The following FAM186A variants were observed in gnomAD, a reference collection of about 807,000 sequenced individuals.
The protein encoded by FAM186A is protein FAM186A.
A neutral mutation model predicts 216.8 loss-of-function variants in FAM186A; 163 were observed. That is an observed-to-expected ratio of 0.75 (90% CI 0.66 to 0.86). The LOEUF is 0.86. Ranked by LOEUF, FAM186A falls within the 40% of genes least tolerant of loss-of-function variation. The pLI is 0.00. For synonymous variants in FAM186A, 805 were observed against 1,025.3 expected (o/e 0.79, Z 4.10); for missense variants, 2,184 against 2,746.2 (o/e 0.80, Z 4.58).
At chr12:50,362,868 A>C (rs570272323) in intron 2 of FAM186A, among the ~76,000 whole-genome samples, 1 of 152,204 alleles carries the variant, frequency 6.6e-6, no homozygotes, top group African/African-American at 2.4e-5. Context: ...CCATGTGTCC[A>C]TCTGGTGGAA....
chr12:50,341,758 C>T (rs1200613421), intron 4 of FAM186A, among the ~76,000 whole-genome samples: 4 of 152,026 alleles, frequency 2.6e-5, no homozygotes, highest in African/African-American at 9.7e-5. Flanking sequence ...TTCCCTGAAC[C>T]CAGGAGGCGG....
intron 1 of FAM186A, among the ~76,000 whole-genome samples, chr12:50,376,134 G>C (rs1943196049): frequency 6.6e-6 from 1 of 152,162 alleles, no homozygotes; most frequent in South Asian, 2.1e-4. Context: ...AAACTCAGTG[G>C]TGCCCAAAAG....
intron 1 of FAM186A, among the ~76,000 whole-genome samples, chr12:50,387,841 T>C (rs373271191): frequency 6.6e-6 from 1 of 152,204 alleles, no homozygotes; most frequent in South Asian, 2.1e-4. Flanking sequence ...AGCTCGACTT[T>C]ACAGGCTGCT....
chr12:50,346,556 A>T (rs1230622824), intron 4 of FAM186A, among the ~76,000 whole-genome samples: 1 of 152,110 alleles, frequency 6.6e-6, no homozygotes, highest in South Asian at 2.1e-4. Context: ...TTATTTAAAC[A>T]TACAAAAATC....
intron 1 of FAM186A, among the ~76,000 whole-genome samples, chr12:50,367,764 A>G (rs879133159): frequency 3.3e-5 from 5 of 152,148 alleles, no homozygotes; most frequent in Admixed American, 1.3e-4. Context: ...TAAAACATAC[A>G]TACAAATCAG....
intron 1 of FAM186A, among the ~76,000 whole-genome samples, chr12:50,368,428 A>G (rs1435086339): frequency 6.6e-6 from 1 of 151,804 alleles, no homozygotes; most frequent in Non-Finnish European, 1.5e-5. Context: ...ATTTTAAATA[A>G]TAATAATAAA....
intron 1 of FAM186A, among the ~76,000 whole-genome samples, chr12:50,394,258 TA>T (rs1403327464): frequency 6.6e-6 from 1 of 152,054 alleles, no homozygotes; most frequent in African/African-American, 2.4e-5. Flanking sequence ...TTTTGTTTTT[TA>T]AAAGAATATA....
Position 50,353,396 on chromosome 12 carries a change from T to A in FAM186A, c.3436A>T (p.Thr1146Ser). ...GCCTGGTCCTGCTGAGGGGTGAGAG[T>A]GATCCCTTGAACCTGGGTCTGCTGA... is the stretch of plus-strand genomic sequence containing the variant. ...TPQQTQVQGITLTPQQDQAPG... is the reference protein window; with the variant it reads ...TPQQTQVQGISLTPQQDQAPG... Residue 1146 changes from threonine (T) to serine (S), a missense_variant, in exon 4 of 8, where the codon ACT becomes TCT. Around this residue, in one of 7 missense-constraint regions of FAM186A, gnomAD observed 267 missense variants for 446.2 expected, o/e 0.60. Coordinates refer to ENST00000327337, the MANE Select transcript of FAM186A (RefSeq NM_001145475.3). 1 of 1,479,842 alleles carries A rather than the reference T, an allele frequency of 6.8e-7. No individual in the cohort carries two copies. The highest frequency in any genetic ancestry group is 9.0e-7 in the Non-Finnish European group (1 of 1,116,578). 91.7% of individuals were successfully genotyped at this position (1,479,842 alleles called of 1,614,324 possible).
rs1942870661 is a variant in FAM186A at position 50,350,894 on chromosome 12, G to A, written c.5938C>T (p.Gln1980Ter). The A allele has an allele frequency of 1.3e-6, 2 of 1,551,662 alleles. No individual in the cohort carries two copies. The highest frequency in any genetic ancestry group is 4.9e-5 in the East Asian group (2 of 40,920). Residue 1980 changes from glutamine (Q) to a stop codon, truncating the protein, a stop_gained, in exon 4 of 8, where the codon CAA becomes TAA. Transcript: ENST00000327337. LOFTEE classifies it high-confidence loss of function. ...AACTTCTTAGTGGTGAAAGGAACTT[G>A]AGCTACCTTGAAATCTGGAGCACTA... ...HPSAPDFKVA[Q>*]VPFTTKKFQM... is the part of the protein sequence containing the mutation.
chr12:50,379,416 G>A (rs2136104533), intron 1 of FAM186A, among the ~76,000 whole-genome samples: 1 of 147,054 alleles, frequency 6.8e-6, no homozygotes, highest in African/African-American at 2.5e-5. Flanking sequence ...CTCCAGCCTG[G>A]TCAACAGAGC....
chr12:50,340,249 C>A (rs1942749391), intron 4 of FAM186A, among the ~76,000 whole-genome samples: 1 of 152,096 alleles, frequency 6.6e-6, no homozygotes, highest in Admixed American at 6.6e-5. Context: ...TGCACATGCG[C>A]CATTATTGTA....
intron 4 of FAM186A, among the ~76,000 whole-genome samples, chr12:50,340,213 G>T (rs780811481): frequency 6.6e-6 from 1 of 151,980 alleles, no homozygotes; most frequent in Non-Finnish European, 1.5e-5. Context: ...CCTAACTCCC[G>T]CCTCTCCTCA....
chr12:50,355,777 A>C lies in FAM186A; in HGVS notation c.1055T>G (p.Val352Gly). 1 of 1,551,704 alleles carries C rather than the reference A, an allele frequency of 6.4e-7. No homozygotes were observed. ...TGACTGTGGAGAAGGTCCAGGTAAC[A>C]CTTTCAAGGTTGATGATGTGGACAA... is the stretch of plus-strand genomic sequence containing the variant. ...AKLSTSSTLK[V>G]LPGPSPQSSR... Residue 352 changes from valine (V) to glycine (G), a missense_variant, in exon 4 of 8, where the codon GTG becomes GGG. By Grantham distance (109) the Val-to-Gly change is moderately radical. Coordinates refer to ENST00000327337, the MANE Select transcript of FAM186A (RefSeq NM_001145475.3).
At chr12:50,327,527 T>A in intron 7 of FAM186A, 123 bp from the exon 8 acceptor site, 6 of 638,078 alleles carry the variant, frequency 9.4e-6, no homozygotes, top group African/African-American at 1.9e-5. Flanking sequence ...ACTAGTAAAA[T>A]CTGTATGTAA....
chr12:50,385,091 C>T (rs1046209833), intron 1 of FAM186A, among the ~76,000 whole-genome samples: 12 of 151,252 alleles, frequency 7.9e-5, no homozygotes, highest in East Asian at 2.0e-4. Context: ...AGACATGAGC[C>T]ACCATGCCCA....
chr12:50,385,374 C>T (rs1463007940), intron 1 of FAM186A, among the ~76,000 whole-genome samples: 10 of 144,810 alleles, frequency 6.9e-5, no homozygotes, highest in South Asian at 2.2e-4. Context: ...GCTGAGATTA[C>T]GCCATAGCAC....
intron 4 of FAM186A, among the ~76,000 whole-genome samples, chr12:50,341,432 G>A (rs769904574): frequency 3.9e-5 from 6 of 152,102 alleles, no homozygotes; most frequent in Non-Finnish European, 8.8e-5. Context: ...TCCTCGATGG[G>A]ATTAAGGTTA....
At chr12:50,344,274 C>G (rs1942792048) in intron 4 of FAM186A, among the ~76,000 whole-genome samples, 1 of 152,122 alleles carries the variant, frequency 6.6e-6, no homozygotes, top group Admixed American at 6.6e-5. Flanking sequence ...CACTTCCTCT[C>G]TCCCCTACTA....
intron 4 of FAM186A, among the ~76,000 whole-genome samples, chr12:50,348,896 G>A (rs535662352): frequency 6.6e-5 from 10 of 152,070 alleles, no homozygotes; most frequent in Non-Finnish European, 1.3e-4. Flanking sequence ...AAATTTTTTT[G>A]TGGGTACATA....
Sources: allele counts gnomAD v4.1 joint callset (sites outside exome capture counted in the v4.1 genomes callset), GRCh38; gene constraint gnomAD v4.1.1; regional missense constraint gnomAD v4.1.1; transcripts MANE v1.5; gene names NCBI Gene and HGNC (gene_info 2026-07-23, HGNC 2026-07-21).